The following WWOX variants were observed in gnomAD, a reference collection of about 807,000 sequenced individuals.
The protein encoded by WWOX is WW domain containing oxidoreductase, also known as WW domain-containing oxidoreductase.
WWOX carries 69 observed loss-of-function variants against 46.2 expected under a neutral mutation model. The ratio of observed to expected loss-of-function variants is 1.49; its 90% CI spans 1.23 to 1.82. The LOEUF is 1.82. Ranked by LOEUF, WWOX falls within the 40% of genes most tolerant of loss-of-function variation. The pLI is 0.00. For synonymous variants in WWOX, 359 were observed against 202.6 expected, an observed-to-expected ratio of 1.77 and a Z score of -6.56; for missense variants, 919 against 542.6, an observed-to-expected ratio of 1.69 and a Z score of -6.89.
intron 8 of WWOX, among the ~76,000 whole-genome samples, chr16:78,481,431 G>A (rs184659994): frequency 1.3e-5 from 2 of 152,000 alleles, no homozygotes; most frequent in Non-Finnish European, 2.9e-5. Context: ...TCATAAATGG[G>A]GAAAAAAGTC....
chr16:78,425,085 A>G (rs1555536829), intron 7 of WWOX, 30 bp downstream of exon 7: 3 of 1,611,692 alleles, frequency 1.9e-6, no homozygotes, highest in Non-Finnish European at 2.5e-6. Flanking sequence ...TTGTTCACTT[A>G]TCCCCTTTCT....
chr16:78,283,526 G>T (rs1187405526), intron 5 of WWOX, among the ~76,000 whole-genome samples: 1 of 152,114 alleles, frequency 6.6e-6, no homozygotes, highest in Non-Finnish European at 1.5e-5. Flanking sequence ...ACACAGCTGG[G>T]TAGGTTGTTT....
chr16:78,543,420 T>G (rs955246317), intron 8 of WWOX, among the ~76,000 whole-genome samples: 4 of 152,180 alleles, frequency 2.6e-5, no homozygotes, highest in Non-Finnish European at 5.9e-5. Flanking sequence ...CGAGAAGGAT[T>G]AAGAGGTACT....
intron 7 of WWOX, among the ~76,000 whole-genome samples, chr16:78,430,710 A>C (rs1057249100): frequency 5.3e-5 from 8 of 152,172 alleles, no homozygotes; most frequent in South Asian, 2.1e-4. Flanking sequence ...ATTCGTTTCA[A>C]GGTCTCATTT....
chr16:78,137,212 C>T lies in WWOX; in HGVS notation c.409+22058C>T, dbSNP rs1456661098. ...AATAAGAGAGTGATGAAAATTATGA[C>T]GCCTTGGGAAATAAGACTGCAACGT... is the stretch of plus-strand genomic sequence containing the variant. On this transcript the variant is annotated intron_variant, in intron 4 of 8. Transcript: ENST00000566780. Among the ~76,000 whole-genome samples the T allele has an allele frequency of 6.6e-5, 10 of 152,144 alleles. No individual in the cohort carries two copies. The South Asian group carries it at 1.5e-3, about 22-fold the overall frequency.
intron 6 of WWOX, among the ~76,000 whole-genome samples, chr16:78,395,880 T>A (rs2082274194): frequency 6.6e-6 from 1 of 152,246 alleles, no homozygotes; most frequent in African/African-American, 2.4e-5. Flanking sequence ...GATTCCATTT[T>A]CTTTGACATG....
chr16:79,058,201 G>C (rs778398145), intron 8 of WWOX, among the ~76,000 whole-genome samples: 5 of 151,872 alleles, frequency 3.3e-5, no homozygotes, highest in Non-Finnish European at 5.9e-5. Flanking sequence ...AGAGAGTCAG[G>C]CAGATACAGG....
chr16:78,752,351 G>C (rs530470393), intron 8 of WWOX, among the ~76,000 whole-genome samples: 1 of 152,266 alleles, frequency 6.6e-6, no homozygotes, highest in South Asian at 2.1e-4. Context: ...ACAGTGATGC[G>C]ATCTCAGCTT....
chr16:78,807,116 G>A (rs549162255), intron 8 of WWOX, among the ~76,000 whole-genome samples: 1 of 152,214 alleles, frequency 6.6e-6, no homozygotes, highest in East Asian at 1.9e-4. Context: ...TAAGTCTTTG[G>A]TGGGTCCATG....
chr16:78,160,371 C>T (rs900095832), intron 4 of WWOX, among the ~76,000 whole-genome samples: 16 of 152,238 alleles, frequency 1.1e-4, no homozygotes, highest in Admixed American at 3.9e-4. Flanking sequence ...GCGATCCACC[C>T]GCCTCGGCCA....
rs138492989 is a variant in WWOX at position 78,639,464 on chromosome 16, G to A, written c.1056+206712G>A. Among the ~76,000 whole-genome samples, 672 of 152,326 alleles carry A rather than the reference G, an allele frequency of 4.4e-3. 3 individuals are homozygous for A. The highest frequency in any genetic ancestry group is 6.8e-3 in the Non-Finnish European group (463 of 68,022). ...AAGTAAGAGTGTTTGAGATCCTGTA[G>A]TGGGTTCATTGCTGAGAATAAACCC... is the stretch of plus-strand genomic sequence containing the variant. On this transcript the variant is annotated intron_variant, in intron 8 of 8. Coordinates refer to ENST00000566780, the MANE Select transcript of WWOX (RefSeq NM_016373.4).
At chr16:78,970,226 A>G (rs919270349) in intron 8 of WWOX, among the ~76,000 whole-genome samples, 1 of 152,100 alleles carries the variant, frequency 6.6e-6, no homozygotes, top group Non-Finnish European at 1.5e-5. Context: ...TTTGATAACC[A>G]CAGCACGGTG....
intron 8 of WWOX, among the ~76,000 whole-genome samples, chr16:78,735,022 A>G (rs1392051810): frequency 6.6e-6 from 1 of 151,234 alleles, no homozygotes; most frequent in Non-Finnish European, 1.5e-5. Flanking sequence ...ACCCACCATC[A>G]TGCCCAGCTA....
intron 8 of WWOX, among the ~76,000 whole-genome samples, chr16:78,490,516 G>C (rs750743170): frequency 1.3e-5 from 2 of 152,134 alleles, no homozygotes. Context: ...ACGAACATGC[G>C]TTGTTTTCAA....
chr16:78,663,309 T>G (rs2047259396), intron 8 of WWOX, among the ~76,000 whole-genome samples: 1 of 152,210 alleles, frequency 6.6e-6, no homozygotes, highest in African/African-American at 2.4e-5. Flanking sequence ...ATTTCATGTA[T>G]TAATATTATG....
At chr16:78,965,279 T>C (rs1280334475) in intron 8 of WWOX, among the ~76,000 whole-genome samples, 2 of 152,086 alleles carry the variant, frequency 1.3e-5, no homozygotes, top group Non-Finnish European at 2.9e-5. Context: ...AAATCACTAG[T>C]AAAATTTGGC....
rs2034901643 is a variant in WWOX, at chr16:78,164,334, AT to A, written c.516+46del. 6 of 1,549,974 alleles carry A rather than the reference AT, an allele frequency of 3.9e-6. No individual in the cohort carries two copies. In the South Asian group the frequency reaches 6.9e-5, roughly 18 times the overall value. ...TGTTTTTTTTAATTGTCAAATACAC[AT>A]GCCGGGCTAACCATATGGAGATTTC... On this transcript the variant is annotated intron_variant, in intron 5 of 8. Coordinates refer to ENST00000566780, the MANE Select transcript of WWOX (RefSeq NM_016373.4).
intron 8 of WWOX, among the ~76,000 whole-genome samples, chr16:78,839,278 C>G (rs749438889): frequency 6.6e-6 from 1 of 152,116 alleles, no homozygotes; most frequent in Non-Finnish European, 1.5e-5. Context: ...CAGTCTCTCT[C>G]TTCTGTTCCT....
intron 8 of WWOX, among the ~76,000 whole-genome samples, chr16:78,935,358 T>C (rs1199635743): frequency 1.3e-5 from 2 of 152,114 alleles, no homozygotes; most frequent in Non-Finnish European, 2.9e-5. Context: ...CCAACTCAGA[T>C]GTTCATCAAT....
Sources: allele counts gnomAD v4.1 joint callset (sites outside exome capture counted in the v4.1 genomes callset), GRCh38; gene constraint gnomAD v4.1.1; transcripts MANE v1.5; gene names NCBI Gene and HGNC (gene_info 2026-07-23, HGNC 2026-07-21).